The following DLG1 variants were observed in gnomAD, a reference collection of about 807,000 sequenced individuals.
DLG1 encodes the protein discs large MAGUK scaffold protein 1.
A neutral mutation model predicts 123.4 loss-of-function variants in DLG1; 42 were observed. The observed-to-expected ratio is 0.34, with a 90% CI of 0.27 to 0.44. The LOEUF is 0.44. Ranked by LOEUF, DLG1 falls within the 20% of genes least tolerant of loss-of-function variation. The probability of loss-of-function intolerance (pLI) is 1.00; values close to 1 mark genes in which losing one functional copy is unlikely to be tolerated. For missense variants in DLG1, 942 were observed against 1,082.6 expected, an observed-to-expected ratio of 0.87 and a Z score of 1.82; for synonymous variants, 317 against 356.2, an observed-to-expected ratio of 0.89 and a Z score of 1.24.
chr3:197,145,647 G>T (rs1447539466), intron 6 of DLG1, among the ~76,000 whole-genome samples: 2 of 152,238 alleles, frequency 1.3e-5, no homozygotes, highest in African/African-American at 4.8e-5. Context: ...TATGATTTCT[G>T]CCTTAAGGAA....
intron 6 of DLG1, 55 bp from the exon 7 acceptor site, chr3:197,142,823 G>T: frequency 4.1e-6 from 6 of 1,447,218 alleles, no homozygotes; most frequent in Non-Finnish European, 5.7e-6. Flanking sequence ...ATCCAAAATG[G>T]CAAGGCAAAA....
intron 13 of DLG1, among the ~76,000 whole-genome samples, chr3:197,111,818 G>C (rs1770186887): frequency 1.3e-5 from 2 of 151,948 alleles, no homozygotes; most frequent in Admixed American, 6.5e-5. Flanking sequence ...CAACATACTT[G>C]TTTTGTGTTT....
At chr3:197,264,085 A>G (rs1760689662) in intron 4 of DLG1, among the ~76,000 whole-genome samples, 1 of 152,222 alleles carries the variant, frequency 6.6e-6, no homozygotes, top group South Asian at 2.1e-4. Context: ...ACAACACATT[A>G]AAATAGTATG....
intron 5 of DLG1, among the ~76,000 whole-genome samples, chr3:197,189,282 T>A (rs967642733): frequency 2.6e-5 from 4 of 152,218 alleles, no homozygotes; most frequent in African/African-American, 4.8e-5. Context: ...CAAATTATGG[T>A]GCAAATATAT....
chr3:197,107,458 T>C (rs941594357), intron 13 of DLG1, among the ~76,000 whole-genome samples: 2 of 151,904 alleles, frequency 1.3e-5, no homozygotes, highest in Non-Finnish European at 2.9e-5. Flanking sequence ...GGCAGGAGAA[T>C]GGCGTGAAGC....
rs1731383916 is a variant in DLG1, at chr3:197,055,946, A to T, written c.2483+3943T>A. On this transcript the variant is annotated intron_variant, in intron 23 of 24. Transcript: ENST00000667157. The stretch of plus-strand genomic sequence containing the variant: ...AGCAAAGATTCCTGCTATTTGGAGG[A>T]CAGAATCCTTATTGTCCACACTGGC... 2.0e-5 allele frequency among the ~76,000 whole-genome samples: 3 copies of T among 152,182 alleles called. No homozygotes were observed. In the South Asian group the frequency reaches 6.2e-4, roughly 31 times the overall value.
At chr3:197,085,489 G>A in intron 16 of DLG1, 91 bp downstream of exon 16, 1 of 1,297,678 alleles carries the variant, frequency 7.7e-7, no homozygotes. Flanking sequence ...TGCACTCCAG[G>A]TCCATCCATG....
chr3:197,070,254 T>TA (rs397948485), intron 18 of DLG1: 5 of 150,698 alleles, frequency 3.3e-5, no homozygotes, highest in African/African-American at 4.9e-5. Context: ...TTTTTTTTTT[T>TA]AATTAAAGGG....
At chr3:197,231,521 C>T (rs1159217089) in intron 4 of DLG1, among the ~76,000 whole-genome samples, 2 of 151,810 alleles carry the variant, frequency 1.3e-5, no homozygotes, top group South Asian at 2.1e-4. Context: ...GGCAACAGAG[C>T]GAAACCCTGT....
In DLG1 at chr3:197,115,917, C is replaced by T. The variant is rs745541667; in HGVS notation, c.1443+10G>A. ...ATAACAAAAACGTGATCTTGACTAA[C>T]GTGTCTTACCGATATAATACGATCT... On this transcript the variant is annotated intron_variant, in intron 13 of 24. Coordinates refer to ENST00000667157, the MANE Select transcript of DLG1 (RefSeq NM_001366207.1). 32 of 1,606,780 alleles carry T rather than the reference C, an allele frequency of 2.0e-5. No homozygotes were observed. The highest frequency in any genetic ancestry group is 4.5e-5 in the South Asian group (4 of 88,558).
intron 5 of DLG1, among the ~76,000 whole-genome samples, chr3:197,187,767 C>T (rs1185612130): frequency 6.6e-6 from 1 of 152,090 alleles, no homozygotes; most frequent in South Asian, 2.1e-4. Flanking sequence ...ATTCTCAGCT[C>T]ATTTTCAGTT....
chr3:197,182,375 C>T (rs990279042), intron 5 of DLG1, among the ~76,000 whole-genome samples: 42 of 152,104 alleles, frequency 2.8e-4, no homozygotes, highest in African/African-American at 9.4e-4. Context: ...TACATAATGA[C>T]TCCCCCTTCC....
intron 5 of DLG1, among the ~76,000 whole-genome samples, chr3:197,182,239 C>A (rs1712653704): frequency 6.6e-6 from 1 of 151,976 alleles, no homozygotes; most frequent in South Asian, 2.1e-4. Flanking sequence ...TCTTTGCATC[C>A]TTTCGTGATA....
At chr3:197,151,813 C>T (rs150092490) in intron 5 of DLG1, among the ~76,000 whole-genome samples, 1,478 of 146,290 alleles carry the variant, frequency 0.01, 17 homozygotes, top group South Asian at 0.023. Flanking sequence ...GAGGCCAAGG[C>T]TGGTGGATCA....
chr3:197,296,611 TG>T (rs1777470352), intron 2 of DLG1, 134 bp from the exon 3 acceptor site: 2 of 709,254 alleles, frequency 2.8e-6, no homozygotes, highest in Non-Finnish European at 4.6e-6. Context: ...ACTATGTTCA[TG>T]TACACATATT....
chr3:197,210,547 T>C (rs1208827114), intron 4 of DLG1, among the ~76,000 whole-genome samples: 1 of 141,582 alleles, frequency 7.1e-6, no homozygotes, highest in East Asian at 2.0e-4. Flanking sequence ...ATCAAGAAAT[T>C]CCCCAAAAAA....
intron 4 of DLG1, among the ~76,000 whole-genome samples, chr3:197,221,937 A>G (rs1437183980): frequency 2.0e-5 from 3 of 152,238 alleles, no homozygotes; most frequent in African/African-American, 4.8e-5. Context: ...GTATTTGCAC[A>G]TAACCTATGT....
chr3:197,117,248 G>A (rs1446198027), intron 12 of DLG1, among the ~76,000 whole-genome samples: 2 of 152,080 alleles, frequency 1.3e-5, no homozygotes, highest in African/African-American at 4.8e-5. Context: ...AATATAAAAC[G>A]GTGCAGGCAC....
chr3:197,126,501 A>AC (rs141120590), intron 11 of DLG1, among the ~76,000 whole-genome samples: 5,592 of 152,124 alleles, frequency 0.037, 162 homozygotes, highest in Non-Finnish European at 0.051. Context: ...TAATCAGGGC[A>AC]CTAATACTCA....
Sources: allele counts gnomAD v4.1 joint callset (sites outside exome capture counted in the v4.1 genomes callset), GRCh38; gene constraint gnomAD v4.1.1; transcripts MANE v1.5; gene names NCBI Gene and HGNC (gene_info 2026-07-23, HGNC 2026-07-21).